ST8SIA4: variants seen among roughly 807,000 people sequenced by gnomAD.
The protein encoded by ST8SIA4 is ST8 alpha-N-acetyl-neuraminide alpha-2,8-sialyltransferase 4.
In ST8SIA4, 15 loss-of-function variants were observed where a neutral mutation model predicts 33.9. That is an observed-to-expected ratio of 0.44 (90% CI 0.30 to 0.68). ST8SIA4 has a LOEUF of 0.68. Ranked by LOEUF, ST8SIA4 falls within the 30% of genes least tolerant of loss-of-function variation. The pLI is 0.10. For missense variants in ST8SIA4, 321 were observed against 428.0 expected (o/e 0.75, Z 2.21); for synonymous variants, 171 against 151.2 (o/e 1.13, Z -0.96).
intron 4 of ST8SIA4, among the ~76,000 whole-genome samples, chr5:100,829,282 G>T (rs1284972578): frequency 2.6e-5 from 4 of 152,084 alleles, no homozygotes; most frequent in Non-Finnish European, 4.4e-5. Flanking sequence ...CTATCGGTTT[G>T]ATCACAAAAG....
chr5:100,878,893 A>G (rs567730565), intron 3 of ST8SIA4, among the ~76,000 whole-genome samples: 111 of 152,238 alleles, frequency 7.3e-4, no homozygotes, highest in Non-Finnish European at 6.0e-4. Context: ...AATGTTGTAG[A>G]TTATATTATG....
At chr5:100,831,569 A>T (rs1751262103) in intron 4 of ST8SIA4, among the ~76,000 whole-genome samples, 1 of 152,080 alleles carries the variant, frequency 6.6e-6, no homozygotes, top group South Asian at 2.1e-4. Flanking sequence ...ATAAATGTTC[A>T]ATAAATGGAA....
At position 100,818,984 on chromosome 5, in the gene ST8SIA4, C is replaced by G. The variant is rs36035012; in HGVS notation, c.798-6855G>C. Among the ~76,000 whole-genome samples, 1,003 of 152,258 alleles carry G rather than the reference C, an allele frequency of 6.6e-3. 2 individuals are homozygous for G. The highest frequency in any genetic ancestry group is 0.02 in the Middle Eastern group (6 of 294). Reference sequence around the variant, plus strand: ...GATACAATGTTAAGAAATTCTAGATCTACATATATTATGTTGATTTTGCCA... The same window carrying G: ...GATACAATGTTAAGAAATTCTAGATGTACATATATTATGTTGATTTTGCCA... On this transcript the variant is annotated intron_variant, in intron 4 of 4. Coordinates refer to ENST00000231461, the MANE Select transcript of ST8SIA4 (RefSeq NM_005668.6).
rs1440606056 is a variant in ST8SIA4, at chr5:100,811,854, T to G, written c.1073A>C (p.Lys358Thr). Reference sequence around the variant, plus strand: ...TTTGTTTCAAAATGTGCTTTATTGCTTTACACACTTTCCTGTTGTCAGTTT... The same window carrying G: ...TTTGTTTCAAAATGTGCTTTATTGCGTTACACACTTTCCTGTTGTCAGTTT... ...ALKLTTGKCV[K>T]Q The change falls in exon 5 of 5, where the codon AAG becomes ACG. Residue 358 changes from lysine to threonine, a missense_variant. Transcript: ENST00000231461. 6.2e-7 allele frequency: 1 copy of G among 1,609,980 alleles called. No individual in the cohort carries two copies. Among genetic ancestry groups the G allele is most frequent in the Non-Finnish European group, 8.5e-7 (1 of 1,178,116 alleles).
intron 4 of ST8SIA4, among the ~76,000 whole-genome samples, chr5:100,829,157 C>G (rs1464526034): frequency 6.6e-6 from 1 of 152,178 alleles, no homozygotes; most frequent in Admixed American, 6.5e-5. Context: ...GCTCTGCTCT[C>G]TTGGGCTAAT....
intron 3 of ST8SIA4, among the ~76,000 whole-genome samples, chr5:100,861,296 A>C (rs957905371): frequency 2.0e-5 from 3 of 152,142 alleles, no homozygotes; most frequent in South Asian, 4.1e-4. Flanking sequence ...GAAATGACTA[A>C]ACAGAAGAGG....
At position 100,808,325 on chromosome 5, in the gene ST8SIA4, T is replaced by A. The variant is rs1393285029; in HGVS notation, c.*3522A>T. 6.5e-6 allele frequency: 1 copy of A among 152,676 alleles called. No individual in the cohort carries two copies. Among genetic ancestry groups the A allele is most frequent in the Non-Finnish European group, 1.5e-5 (1 of 68,036 alleles). The allele number at this position is 152,676 out of a possible 1,614,324, so 9.5% of individuals were successfully genotyped here. A position where few individuals can be genotyped will look rare whatever the true frequency, so the allele number is the denominator to read the frequency against. ...TATGATATACAATACATGAACACAT[T>A]TGAATGCCCAGCACCTTCTTTCAGA... On this transcript the variant is annotated 3_prime_UTR_variant, in exon 5 of 5. Coordinates refer to ENST00000231461, the MANE Select transcript of ST8SIA4 (RefSeq NM_005668.6).
intron 1 of ST8SIA4, among the ~76,000 whole-genome samples, chr5:100,901,141 T>C (rs1307580038): frequency 2.0e-5 from 3 of 152,274 alleles, no homozygotes; most frequent in Middle Eastern, 3.4e-3. Flanking sequence ...GTGTCCCGGC[T>C]CCGCTTCCCC....
intron 4 of ST8SIA4, among the ~76,000 whole-genome samples, chr5:100,814,974 T>G (rs907437815): frequency 1.3e-5 from 2 of 151,996 alleles, no homozygotes; most frequent in Non-Finnish European, 2.9e-5. Flanking sequence ...TATTAACTTG[T>G]GTTTCATCCT....
At chr5:100,887,247 G>A (rs530237502) in intron 2 of ST8SIA4, among the ~76,000 whole-genome samples, 1 of 152,142 alleles carries the variant, frequency 6.6e-6, no homozygotes, top group East Asian at 1.9e-4. Flanking sequence ...ATTGGACTCT[G>A]TGTGGCAGAG....
At chr5:100,874,302 T>A (rs1354245609) in intron 3 of ST8SIA4, among the ~76,000 whole-genome samples, 2 of 152,136 alleles carry the variant, frequency 1.3e-5, no homozygotes, top group Admixed American at 6.6e-5. Flanking sequence ...CTATAATAGG[T>A]AAGTTGTAAA....
intron 4 of ST8SIA4, among the ~76,000 whole-genome samples, chr5:100,851,048 C>T (rs1315033594): frequency 1.0e-4 from 15 of 149,872 alleles, no homozygotes; most frequent in African/African-American, 3.7e-4. Context: ...CAACCTCTGC[C>T]CCCTGGGCTT....
rs189920171 is a variant in ST8SIA4, at chr5:100,811,560, C to T, written c.*287G>A. On this transcript the variant is annotated 3_prime_UTR_variant, in exon 5 of 5. Coordinates refer to ENST00000231461, the MANE Select transcript of ST8SIA4 (RefSeq NM_005668.6). ...GTGATGAACATATTTGCTTTGTTAA[C>T]TAATGATGAGTGCACTGTTGGATCT... 4.1e-4 allele frequency: 106 copies of T among 261,006 alleles called. No homozygotes were observed. Among genetic ancestry groups the T allele is most frequent in the African/African-American group, 2.3e-3 (102 of 44,534 alleles). The allele number at this position is 261,006 out of a possible 1,614,324, so 16.2% of individuals were successfully genotyped here. A position where few individuals can be genotyped will look rare whatever the true frequency, so the allele number is the denominator to read the frequency against.
At chr5:100,895,546 A>T in intron 2 of ST8SIA4, 108 bp downstream of exon 2, 1 of 1,055,422 alleles carries the variant, frequency 9.5e-7, no homozygotes, top group Non-Finnish European at 1.4e-6. Context: ...TCTTTTATTT[A>T]AGTATTCATA....
At chr5:100,843,414 G>T (rs866713905) in intron 4 of ST8SIA4, among the ~76,000 whole-genome samples, 1 of 151,830 alleles carries the variant, frequency 6.6e-6, no homozygotes, top group Non-Finnish European at 1.5e-5. Context: ...ATTCCATTCA[G>T]CTATCAACAT....
At chr5:100,824,944 T>C (rs966124061) in intron 4 of ST8SIA4, among the ~76,000 whole-genome samples, 1 of 151,648 alleles carries the variant, frequency 6.6e-6, no homozygotes, top group African/African-American at 2.4e-5. Flanking sequence ...ACCTGTAGTC[T>C]TAGTTATTGG....
chr5:100,860,568 A>C (rs1751913687), intron 3 of ST8SIA4, among the ~76,000 whole-genome samples: 1 of 152,222 alleles, frequency 6.6e-6, no homozygotes, highest in Non-Finnish European at 1.5e-5. Context: ...TGTGGGCTCC[A>C]CATAGACCTG....
intron 4 of ST8SIA4, among the ~76,000 whole-genome samples, chr5:100,819,233 G>C (rs1750990079): frequency 1.3e-5 from 2 of 152,168 alleles, no homozygotes; most frequent in Admixed American, 1.3e-4. Flanking sequence ...GTACGTTGGT[G>C]AATGTTTAAA....
chr5:100,891,235 T>C (rs972558633), intron 2 of ST8SIA4, among the ~76,000 whole-genome samples: 3 of 151,912 alleles, frequency 2.0e-5, no homozygotes, highest in Admixed American at 6.6e-5. Context: ...TAGGCTATGA[T>C]ACATATGTTA....
Sources: gnomAD v4.1 joint callset for allele counts (sites outside exome capture counted in the v4.1 genomes callset) on GRCh38, gnomAD v4.1.1 for gene constraint, MANE v1.5 for transcripts, NCBI Gene and HGNC (gene_info 2026-07-23, HGNC 2026-07-21) for gene names.